Variants in NIBAN1 observed in about 807,000 individuals in gnomAD.
NIBAN1 encodes protein Niban 1.
Under a neutral mutation model 75.1 loss-of-function variants are expected in NIBAN1, and 81 were observed. The ratio of observed to expected loss-of-function variants is 1.08; its 90% CI spans 0.90 to 1.30. NIBAN1 has a LOEUF of 1.30. Among genes scored for constraint, NIBAN1 ranks in the 50% most tolerant of loss-of-function variants. NIBAN1 has a pLI of 0.00. For synonymous variants in NIBAN1, 436 were observed against 424.8 expected (o/e 1.03, Z -0.32); for missense variants, 1,133 against 1,128.1 (o/e 1.00, Z -0.06).
chr1:184,895,495 G>T (rs946680744), intron 2 of NIBAN1, among the ~76,000 whole-genome samples: 4 of 152,138 alleles, frequency 2.6e-5, no homozygotes, highest in African/African-American at 4.8e-5. Context: ...AAATATATTG[G>T]TTAACTTCTC....
At chr1:184,833,741 G>A (rs550976662) in intron 5 of NIBAN1, among the ~76,000 whole-genome samples, 44 of 151,390 alleles carry the variant, frequency 2.9e-4, no homozygotes, top group East Asian at 9.7e-4. Flanking sequence ...GAAAAGAAAC[G>A]AATATGGAAC....
chr1:184,887,505 G>T (rs773286133), intron 4 of NIBAN1, among the ~76,000 whole-genome samples: 4 of 152,134 alleles, frequency 2.6e-5, no homozygotes, highest in Non-Finnish European at 4.4e-5. Flanking sequence ...AGCTGAAGTG[G>T]CATATGAAAC....
chr1:184,813,812 G>C (rs551074172), intron 9 of NIBAN1, among the ~76,000 whole-genome samples: 1 of 152,296 alleles, frequency 6.6e-6, no homozygotes, highest in East Asian at 1.9e-4. Flanking sequence ...CTAAGGCCTG[G>C]GACACATGGA....
At chr1:184,896,756 C>T (rs900882246) in intron 2 of NIBAN1, among the ~76,000 whole-genome samples, 1 of 152,150 alleles carries the variant, frequency 6.6e-6, no homozygotes, top group African/African-American at 2.4e-5. Flanking sequence ...CATTCTTCTG[C>T]ATATGACTAG....
intron 7 of NIBAN1, 82 bp from the exon 8 acceptor site, chr1:184,823,411 C>A: frequency 6.6e-7 from 1 of 1,520,590 alleles, no homozygotes; most frequent in Non-Finnish European, 9.0e-7. Context: ...GAGCCTTCAT[C>A]ACAGGCCATC....
At chr1:184,940,878 C>T (rs888187183) in intron 1 of NIBAN1, among the ~76,000 whole-genome samples, 10 of 152,202 alleles carry the variant, frequency 6.6e-5, no homozygotes, top group South Asian at 2.1e-4. Flanking sequence ...TTTCATCATT[C>T]GATCTGCTTG....
chr1:184,795,328 C>T lies in NIBAN1; in HGVS notation c.2436G>A (p.Glu812=), dbSNP rs769046244. The T allele has an allele frequency of 3.1e-6, 5 of 1,610,910 alleles. No individual in the cohort carries two copies. The highest frequency in any genetic ancestry group is 2.2e-5 in the East Asian group (1 of 44,852). The change falls in exon 14 of 14, where the codon GAG becomes GAA. Residue 812 remains glutamate, a synonymous_variant. Coordinates refer to ENST00000367511, the MANE Select transcript of NIBAN1 (RefSeq NM_052966.4). ...GLTEEPLGPM[E]GELPGEACTL... is the part of the protein sequence containing the mutation. ...TGCAGGCCTCTCCTGGGAGCTCCCC[C>T]TCCATGGGCCCCAGGGGCTCCTCGG... is the stretch of plus-strand genomic sequence containing the variant.
At chr1:184,926,967 G>A (rs1015467371) in intron 1 of NIBAN1, among the ~76,000 whole-genome samples, 10 of 151,920 alleles carry the variant, frequency 6.6e-5, no homozygotes, top group Non-Finnish European at 1.2e-4. Flanking sequence ...TCAGTATGTC[G>A]ATTACATTTT....
At chr1:184,806,562 T>C (rs1654203219) in intron 10 of NIBAN1, among the ~76,000 whole-genome samples, 1 of 152,056 alleles carries the variant, frequency 6.6e-6, no homozygotes, top group Non-Finnish European at 1.5e-5. Flanking sequence ...TTGCCTGTGT[T>C]CCCGTCACCA....
At chr1:184,812,307 G>C (rs1191320782) in intron 9 of NIBAN1, among the ~76,000 whole-genome samples, 1 of 152,176 alleles carries the variant, frequency 6.6e-6, no homozygotes, top group Non-Finnish European at 1.5e-5. Context: ...GCTAAGCAGA[G>C]TGGCTAATGT....
intron 1 of NIBAN1, among the ~76,000 whole-genome samples, chr1:184,917,475 C>T (rs1275285946): frequency 2.7e-5 from 4 of 149,666 alleles, no homozygotes; most frequent in Non-Finnish European, 5.9e-5. Context: ...TCCCAAAGTG[C>T]TGGGATTACA....
intron 1 of NIBAN1, among the ~76,000 whole-genome samples, chr1:184,962,006 A>C (rs990106072): frequency 2.0e-5 from 3 of 152,222 alleles, no homozygotes; most frequent in Admixed American, 6.5e-5. Flanking sequence ...CTATCTTCAT[A>C]CTTCTTTGTT....
At chr1:184,864,988 C>CAAAAAAAAAAAAAAAAAAAAAGAAA (rs200197955) in intron 5 of NIBAN1, among the ~76,000 whole-genome samples, 1 of 61,246 alleles carries the variant, frequency 1.6e-5, no homozygotes. Context: ...CTAAAGAGGT[C>CAAAAAAAAAAAAAAAAAAAAAGAAA]AAAAAAAAAA....
intron 5 of NIBAN1, among the ~76,000 whole-genome samples, chr1:184,884,212 G>A (rs1357002855): frequency 2.1e-5 from 3 of 143,032 alleles, no homozygotes; most frequent in South Asian, 2.2e-4. Context: ...ACCATCTGTG[G>A]CTCTTTTTTT....
At chr1:184,907,060 A>G (rs1657124495) in intron 1 of NIBAN1, among the ~76,000 whole-genome samples, 2 of 152,244 alleles carry the variant, frequency 1.3e-5, no homozygotes, top group Admixed American at 1.3e-4. Flanking sequence ...TTACTTTTAG[A>G]AAAGCACAAA....
At chr1:184,816,501 A>G (rs1482099885) in intron 9 of NIBAN1, among the ~76,000 whole-genome samples, 1 of 152,188 alleles carries the variant, frequency 6.6e-6, no homozygotes, top group Non-Finnish European at 1.5e-5. Context: ...ATTATTTTTA[A>G]ACAAAATTTT....
At chr1:184,884,849 A>G (rs1309369532) in intron 4 of NIBAN1, 49 bp from the exon 5 acceptor site, 1 of 1,591,770 alleles carries the variant, frequency 6.3e-7, no homozygotes, top group South Asian at 1.1e-5. Flanking sequence ...TGTATCTTTT[A>G]TTTCAAATGT....
In NIBAN1 at chr1:184,856,017, C is replaced by T. The variant is rs1048006260; in HGVS notation, c.602-24055G>A. 9.2e-5 allele frequency among the ~76,000 whole-genome samples: 14 copies of T among 152,088 alleles called. No individual in the cohort carries two copies. In the South Asian group the frequency reaches 1.0e-3, roughly 11 times the overall value. The stretch of plus-strand genomic sequence containing the variant: ...AATATAAATGAAAGCAAATGGGTTA[C>T]GTAGTAATACTGCTCTTTAAAAAGT... On this transcript the variant is annotated intron_variant, in intron 5 of 13. Coordinates refer to ENST00000367511, the MANE Select transcript of NIBAN1 (RefSeq NM_052966.4).
intron 5 of NIBAN1, among the ~76,000 whole-genome samples, chr1:184,835,596 T>C (rs556896898): frequency 2.0e-5 from 3 of 152,338 alleles, no homozygotes; most frequent in Non-Finnish European, 4.4e-5. Flanking sequence ...TTTTATTCTC[T>C]TTGTAGCAAT....
Sources: allele counts gnomAD v4.1 joint callset (sites outside exome capture counted in the v4.1 genomes callset), GRCh38; gene constraint gnomAD v4.1.1; transcripts MANE v1.5; gene names NCBI Gene and HGNC (gene_info 2026-07-23, HGNC 2026-07-21).